Variants in NFIX observed in about 807,000 individuals in gnomAD.
NFIX encodes nuclear factor I X.
Under a neutral mutation model 53.3 loss-of-function variants are expected in NFIX, and 2 were observed. The ratio of observed to expected loss-of-function variants is 0.04; its 90% CI spans 0.02 to 0.12. The LOEUF (loss-of-function observed/expected upper bound fraction) is 0.12, where lower values mean the gene tolerates loss of function less well. Ranked by LOEUF, NFIX falls within the 10% of genes least tolerant of loss-of-function variation. NFIX has a pLI of 1.00. For missense variants in NFIX, 310 were observed against 674.5 expected (o/e 0.46, Z 5.99); for synonymous variants, 244 against 289.0 (o/e 0.84, Z 1.58).
chr19:13,069,487 TGAGA>T (rs1775707460), intron 2 of NFIX, among the ~76,000 whole-genome samples: 2 of 152,228 alleles, frequency 1.3e-5, no homozygotes, highest in African/African-American at 4.8e-5. Flanking sequence ...TTGTCCCCAG[TGAGA>T]GAGCAGACAC....
chr19:13,000,216 T>C (rs1047662017), intron 1 of NFIX, among the ~76,000 whole-genome samples: 6 of 152,170 alleles, frequency 3.9e-5, no homozygotes, highest in Admixed American at 1.3e-4. Context: ...GCCTGTAAAA[T>C]GGGCAAAAAC....
intron 2 of NFIX, chr19:13,071,455 AAC>A (rs2016772432): frequency 6.6e-6 from 1 of 152,266 alleles, no homozygotes; most frequent in Admixed American, 6.5e-5. Context: ...GAGTGCCACT[AAC>A]AAAGAGATGG....
At position 13,027,072 on chromosome 19, in the gene NFIX, T is replaced by C. The variant is rs1350580663; in HGVS notation, c.559+1520T>C. Among the ~76,000 whole-genome samples the C allele has an allele frequency of 1.3e-5, 2 of 152,198 alleles. No individual in the cohort carries two copies. The highest frequency in any genetic ancestry group is 4.8e-5 in the African/African-American group (2 of 41,458). The stretch of plus-strand genomic sequence containing the variant: ...ATGTAATCTAGACTAGAGTGAGCCC[T>C]GAGTTTACATGTTGGAGAACTGTGG... On this transcript the variant is annotated intron_variant, in intron 2 of 10. Transcript: ENST00000592199. This position sits in a 1 kb window ranked among gnomAD's most constrained non-coding sequence, Gnocchi z 4.3.
chr19:13,084,262 C>T (rs556762279), intron 8 of NFIX, among the ~76,000 whole-genome samples: 11 of 152,082 alleles, frequency 7.2e-5, no homozygotes, highest in South Asian at 2.1e-4. Context: ...CTGGGCAACA[C>T]GGTAAAACCC....
chr19:13,035,045 G>A (rs1386152645), intron 2 of NFIX, among the ~76,000 whole-genome samples: 1 of 152,128 alleles, frequency 6.6e-6, no homozygotes, highest in Non-Finnish European at 1.5e-5. Flanking sequence ...CCTCCCCAAG[G>A]TGTGACAACC....
chr19:13,081,461 GATTATT>G lies in NFIX; in HGVS notation c.1079-203_1079-198del, dbSNP rs533753642. ...CCTTTGGACCCTAGTTTGCCTATTT[GATTATT>G]ATTATTATTATTATTTTTGTATTGC... is the stretch of plus-strand genomic sequence containing the variant. On this transcript the variant is annotated intron_variant, in intron 7 of 10. Transcript: ENST00000592199. This position sits in a 1 kb window ranked among gnomAD's most constrained non-coding sequence, Gnocchi z 4.7. 6.6e-6 allele frequency among the ~76,000 whole-genome samples: 1 copy of G among 151,804 alleles called. No individual in the cohort carries two copies.
chr19:13,064,591 C>G (rs1430162672), intron 2 of NFIX, among the ~76,000 whole-genome samples: 1 of 152,226 alleles, frequency 6.6e-6, no homozygotes. Flanking sequence ...AGAAACCTCT[C>G]TGTTGCTCTT....
chr19:13,076,755 G>A (rs1339739848), intron 6 of NFIX, among the ~76,000 whole-genome samples: 1 of 152,202 alleles, frequency 6.6e-6, no homozygotes, highest in Non-Finnish European at 1.5e-5. Flanking sequence ...AGTCTGGGGT[G>A]GAGCGAGGTG....
Position 13,052,048 on chromosome 19 carries a change from C to T in NFIX, c.560-20999C>T, listed in dbSNP as rs1440911514. The stretch of plus-strand genomic sequence containing the variant: ...TTCCCTTCTGTCTTTCCTTTGCTGT[C>T]CACTCTGCTTGCAGGATTTGGGACC... On this transcript the variant is annotated intron_variant, in intron 2 of 10. Coordinates refer to ENST00000592199, the MANE Select transcript of NFIX (RefSeq NM_001365902.3). This position sits in a 1 kb window ranked among gnomAD's most constrained non-coding sequence, Gnocchi z 5.2. Among the ~76,000 whole-genome samples, 1 of 152,184 alleles carries T rather than the reference C, an allele frequency of 6.6e-6. No individual in the cohort carries two copies. Among genetic ancestry groups the T allele is most frequent in the Non-Finnish European group, 1.5e-5 (1 of 68,030 alleles).
At chr19:13,075,724 G>T in intron 6 of NFIX, 53 bp downstream of exon 6, 2 of 1,583,380 alleles carry the variant, frequency 1.3e-6, no homozygotes, top group South Asian at 2.3e-5. Context: ...GAGTCTTTTT[G>T]TCCCCTTCTC....
rs547538193 is a variant in NFIX at position 13,060,478 on chromosome 19, C to T, written c.560-12569C>T. The stretch of plus-strand genomic sequence containing the variant: ...ACCCTCTGACCACAACTTTGTGGGG[C>T]GCCTGCTGTGTGCAGAATCTACCCC... On this transcript the variant is annotated intron_variant, in intron 2 of 10. Coordinates refer to ENST00000592199, the MANE Select transcript of NFIX (RefSeq NM_001365902.3). This position sits in a 1 kb window ranked among gnomAD's most constrained non-coding sequence, Gnocchi z 4.3. Among the ~76,000 whole-genome samples, 6 of 152,342 alleles carry T rather than the reference C, an allele frequency of 3.9e-5. No homozygotes were observed. Among genetic ancestry groups the T allele is most frequent in the African/African-American group, 1.4e-4 (6 of 41,584 alleles).
At position 13,009,894 on chromosome 19, in the gene NFIX, C is replaced by CG. The variant is rs1465682114; in HGVS notation, c.27+14035dup. Among the ~76,000 whole-genome samples, 9 of 152,086 alleles carry CG rather than the reference C, an allele frequency of 5.9e-5. No individual in the cohort carries two copies. The highest frequency in any genetic ancestry group is 2.9e-5 in the Non-Finnish European group (2 of 67,996). On this transcript the variant is annotated intron_variant, in intron 1 of 10. Transcript: ENST00000592199. The surrounding 1 kb of genome is among the most constrained non-coding windows in gnomAD (Gnocchi z 4.7). ...GGGGGATTTGGTGGTAGAACGGGGCCGGGGGTCTTCAAAGGCAGAGAAGTC... is the reference window on the plus strand; with the variant it reads ...GGGGGATTTGGTGGTAGAACGGGGCCGGGGGGTCTTCAAAGGCAGAGAAGTC...
rs2018590232 is a variant in NFIX at position 13,098,343 on chromosome 19, G to C, written c.*3694G>C. ...GGCCAGCCCCGCTTCGGCCCCTCCC[G>C]GGAGATCCGTGCGCCCGACCAGCAC... On this transcript the variant is annotated 3_prime_UTR_variant, in exon 11 of 11. Coordinates refer to ENST00000592199, the MANE Select transcript of NFIX (RefSeq NM_001365902.3). The C allele has an allele frequency of 8.0e-6, 1 of 125,762 alleles. No individual in the cohort carries two copies. The highest frequency in any genetic ancestry group is 2.6e-4 in the South Asian group (1 of 3,806). 7.8% of individuals were successfully genotyped at this position (125,762 alleles called of 1,614,324 possible). A position where few individuals can be genotyped will look rare whatever the true frequency, so the allele number is the denominator to read the frequency against.
At chr19:13,039,084 CAA>C (rs989726283) in intron 2 of NFIX, among the ~76,000 whole-genome samples, 1 of 152,158 alleles carries the variant, frequency 6.6e-6, no homozygotes, top group South Asian at 2.1e-4. Context: ...AAGATATGGC[CAA>C]GAGAGAGGCC....
At chr19:13,034,229 G>A (rs2014017801) in intron 2 of NFIX, among the ~76,000 whole-genome samples, 3 of 152,216 alleles carry the variant, frequency 2.0e-5, no homozygotes, top group Admixed American at 2.0e-4. Flanking sequence ...AGAGAGCCCA[G>A]CTTGCGGCTC....
In NFIX at chr19:12,998,501, G is replaced by A. The variant is rs572160237; in HGVS notation, c.27+2637G>A. ...CTTCTAGAAAAAGCATCGAAATTCA[G>A]GGCGGCCGGGTGGGGCGGTTCCTGG... On this transcript the variant is annotated intron_variant, in intron 1 of 10. Transcript: ENST00000592199. This position sits in a 1 kb window ranked among gnomAD's most constrained non-coding sequence, Gnocchi z 4.4. Among the ~76,000 whole-genome samples the A allele has an allele frequency of 2.0e-5, 3 of 152,226 alleles. No individual in the cohort carries two copies. The South Asian group carries it at 6.2e-4, about 32-fold the overall frequency.
Position 13,073,581 on chromosome 19 carries a change from T to A in NFIX, c.697+85T>A. 4 of 1,224,210 alleles carry A rather than the reference T, an allele frequency of 3.3e-6. No homozygotes were observed. Among genetic ancestry groups the A allele is most frequent in the Non-Finnish European group, 4.8e-6 (4 of 827,876 alleles). 75.8% of individuals were successfully genotyped at this position (1,224,210 alleles called of 1,614,324 possible). On this transcript the variant is annotated intron_variant, in intron 4 of 10. Transcript: ENST00000592199. The surrounding 1 kb of genome is among the most constrained non-coding windows in gnomAD (Gnocchi z 4.5). ...CATGGGATGTCCTCCTAATGGGGTC[T>A]TAGGGCAGGTGGATGGGAACAGATG...
rs942356666 is a variant in NFIX at position 13,045,230 on chromosome 19, G to A, written c.559+19678G>A. Among the ~76,000 whole-genome samples the A allele has an allele frequency of 6.6e-6, 1 of 152,166 alleles. No individual in the cohort carries two copies. Among genetic ancestry groups the A allele is most frequent in the African/African-American group, 2.4e-5 (1 of 41,416 alleles). On this transcript the variant is annotated intron_variant, in intron 2 of 10. Transcript: ENST00000592199. The surrounding 1 kb of genome is among the most constrained non-coding windows in gnomAD (Gnocchi z 4.4). ...AGCTCCACAGCCACCATGGATTTAG[G>A]TGGACAAACAGTGGTATCCTGGTCT...
At chr19:13,032,034 C>G (rs1475613688) in intron 2 of NFIX, among the ~76,000 whole-genome samples, 1 of 152,114 alleles carries the variant, frequency 6.6e-6, no homozygotes, top group African/African-American at 2.4e-5. Context: ...CTTCAGTGTC[C>G]GATTCAGAAG....
Sources: allele counts gnomAD v4.1 joint callset (sites outside exome capture counted in the v4.1 genomes callset), GRCh38; gene constraint gnomAD v4.1.1; non-coding constraint Gnocchi (gnomAD v3.1); transcripts MANE v1.5; gene names NCBI Gene and HGNC (gene_info 2026-07-23, HGNC 2026-07-21).